Variants in POLN observed in about 807,000 individuals in gnomAD.
The protein encoded by POLN is DNA polymerase N.
POLN carries 108 observed loss-of-function variants against 113.5 expected under a neutral mutation model. That is an observed-to-expected ratio of 0.95 (90% CI 0.81 to 1.12). The LOEUF is 1.12. Among genes scored for constraint, POLN ranks in the 50% most tolerant of loss-of-function variants. POLN has a pLI of 0.00. For missense variants in POLN, 1,097 were observed against 1,077.1 expected (o/e 1.02, Z -0.26); for synonymous variants, 386 against 391.5 (o/e 0.99, Z 0.17).
intron 2 of POLN, 92 bp downstream of exon 2, chr4:2,241,428 A>G: frequency 1.1e-6 from 1 of 876,320 alleles, no homozygotes; most frequent in African/African-American, 1.8e-5. Context: ...CCAAGCCACC[A>G]GGAGGCTAGG....
At chr4:2,210,409 T>C (rs1318432845) in intron 4 of POLN, among the ~76,000 whole-genome samples, 3 of 150,836 alleles carry the variant, frequency 2.0e-5, no homozygotes, top group Admixed American at 6.6e-5. Flanking sequence ...CAAAACCCTG[T>C]CCTTTTACAA....
chr4:2,176,231 C>T (rs747109920), intron 9 of POLN, 35 bp downstream of exon 9: 2 of 1,550,416 alleles, frequency 1.3e-6, no homozygotes, highest in Non-Finnish European at 1.8e-6. Flanking sequence ...TCTTGTGAGC[C>T]TCTGTCAGCC....
intron 2 of POLN, chr4:2,230,436 C>A (rs755072014): frequency 5.9e-5 from 9 of 151,988 alleles, no homozygotes; most frequent in Non-Finnish European, 1.0e-4. Context: ...TAAGTAAATT[C>A]TCTATTCCGA....
At chr4:2,102,549 C>T (rs766452244) in intron 19 of POLN, among the ~76,000 whole-genome samples, 3 of 152,200 alleles carry the variant, frequency 2.0e-5, no homozygotes, top group Non-Finnish European at 4.4e-5. Context: ...AGCCCACTCA[C>T]CCAACCAGGA....
chr4:2,138,626 G>A (rs1030125726), intron 16 of POLN, among the ~76,000 whole-genome samples: 4 of 152,194 alleles, frequency 2.6e-5, no homozygotes, highest in African/African-American at 9.7e-5. Flanking sequence ...AATCAGCCAG[G>A]CACGGTGGCT....
At chr4:2,154,245 C>T (rs1323706766) in intron 16 of POLN, among the ~76,000 whole-genome samples, 3 of 136,746 alleles carry the variant, frequency 2.2e-5, no homozygotes, top group Non-Finnish European at 4.8e-5. Context: ...GTATGGCAAA[C>T]CAGAATATAT....
In POLN at chr4:2,127,516, C is replaced by T. The variant is rs1731612803; in HGVS notation, c.1982+597G>A. On this transcript the variant is annotated intron_variant, in intron 19 of 25. Transcript: ENST00000511885. The surrounding 1 kb of genome is among the most constrained non-coding windows in gnomAD (Gnocchi z 4.7). ...GCAGAGGAGAGGGGTGAGAGAGAGC[C>T]TTGCACCCGTCTCTCCATCCTGCTT... is the stretch of plus-strand genomic sequence containing the variant. 1.3e-5 allele frequency among the ~76,000 whole-genome samples: 2 copies of T among 152,148 alleles called. No homozygotes were observed. The highest frequency in any genetic ancestry group is 2.4e-5 in the African/African-American group (1 of 41,424).
At chr4:2,077,453 G>A (rs907152294) in intron 23 of POLN, among the ~76,000 whole-genome samples, 4 of 152,222 alleles carry the variant, frequency 2.6e-5, no homozygotes. Context: ...CCCCCAGGGA[G>A]GGGGAGGTGG....
At chr4:2,158,698 T>C (rs1577729715) in intron 14 of POLN, among the ~76,000 whole-genome samples, 1 of 152,114 alleles carries the variant, frequency 6.6e-6, no homozygotes, top group African/African-American at 2.4e-5. Context: ...ATGGCAGGTG[T>C]GTGAACAGAG....
intron 4 of POLN, among the ~76,000 whole-genome samples, chr4:2,209,837 T>C (rs561728021): frequency 3.6e-4 from 55 of 151,114 alleles, no homozygotes; most frequent in African/African-American, 1.3e-3. Context: ...AATTTTTCTA[T>C]TTTTAGTAGA....
chr4:2,199,637 C>T (rs1464217590), intron 5 of POLN, among the ~76,000 whole-genome samples: 5 of 152,132 alleles, frequency 3.3e-5, no homozygotes, highest in East Asian at 1.9e-4. Context: ...AGTGCAGTGG[C>T]GCAATCTCAG....
At chr4:2,152,186 C>T (rs1193637590) in intron 16 of POLN, among the ~76,000 whole-genome samples, 2 of 151,558 alleles carry the variant, frequency 1.3e-5, no homozygotes, top group Admixed American at 6.6e-5. Flanking sequence ...CGTGCACCAC[C>T]ATGCCCACCT....
intron 17 of POLN, among the ~76,000 whole-genome samples, chr4:2,130,794 G>C (rs1456902059): frequency 1.3e-5 from 2 of 152,184 alleles, no homozygotes; most frequent in Non-Finnish European, 2.9e-5. Context: ...TTCTTTCAAT[G>C]TATGTTTAAA....
chr4:2,184,368 T>C (rs974228142), intron 7 of POLN, among the ~76,000 whole-genome samples: 1 of 151,990 alleles, frequency 6.6e-6, no homozygotes, highest in Non-Finnish European at 1.5e-5. Context: ...AGCACCACTT[T>C]ATGCCAAAAA....
At chr4:2,104,765 T>C (rs1274662897) in intron 19 of POLN, among the ~76,000 whole-genome samples, 1 of 152,166 alleles carries the variant, frequency 6.6e-6, no homozygotes, top group Non-Finnish European at 1.5e-5. Flanking sequence ...CAGCTGTATC[T>C]ATGGCTGAAA....
chr4:2,097,504 C>T (rs954476670), intron 19 of POLN, among the ~76,000 whole-genome samples: 3 of 152,180 alleles, frequency 2.0e-5, no homozygotes, highest in Non-Finnish European at 4.4e-5. Context: ...GCACCTGCCA[C>T]CATGCCCAGC....
Position 2,241,691 on chromosome 4 carries a change from CAAGCCCCAGGGATCCGCGGCCCCAA to C in POLN, c.-209_-185del, listed in dbSNP as rs1560107998. The C allele has an allele frequency of 1.0e-6, 1 of 985,430 alleles. No individual in the cohort carries two copies. The highest frequency in any genetic ancestry group is 1.7e-5 in the African/African-American group (1 of 57,252). 61.0% of individuals were successfully genotyped at this position (985,430 alleles called of 1,614,324 possible). On this transcript the variant is annotated 5_prime_UTR_variant, in exon 2 of 26. Coordinates refer to ENST00000511885, the MANE Select transcript of POLN (RefSeq NM_181808.4). ...GCCGCGCGAACCCCAGAGGCAGCGG[CAAGCCCCAGGGATCCGCGGCCCCAA>C]GGCCGCGATACACCAGACGCGCCAG...
At chr4:2,144,112 T>C (rs533159675) in intron 16 of POLN, among the ~76,000 whole-genome samples, 2 of 151,480 alleles carry the variant, frequency 1.3e-5, no homozygotes, top group Non-Finnish European at 2.9e-5. Flanking sequence ...GGGTCTTCTA[T>C]AAAATACATA....
chr4:2,201,277 CAAAAAAAAAA>C (rs35399602), intron 5 of POLN, among the ~76,000 whole-genome samples: 3 of 15,834 alleles, frequency 1.9e-4, no homozygotes, highest in South Asian at 8.5e-3. Flanking sequence ...CCTACCACTC[CAAAAAAAAAA>C]AAAAAAAAAA....
Sources: gnomAD v4.1 joint callset for allele counts (sites outside exome capture counted in the v4.1 genomes callset) on GRCh38, gnomAD v4.1.1 for gene constraint, Gnocchi (gnomAD v3.1) non-coding constraint, MANE v1.5 for transcripts, NCBI Gene and HGNC (gene_info 2026-07-23, HGNC 2026-07-21) for gene names.